Variants in VWA8 observed in about 807,000 individuals in gnomAD.
The protein encoded by VWA8 is von Willebrand factor A domain-containing protein 8.
In VWA8, 221 loss-of-function variants were observed where a neutral mutation model predicts 241.5. The ratio of observed to expected loss-of-function variants is 0.91; its 90% CI spans 0.82 to 1.02. The LOEUF is 1.02. Among genes scored for constraint, VWA8 ranks in the 50% least tolerant of loss-of-function variants. The pLI is 0.00. For synonymous variants in VWA8, 852 were observed against 827.1 expected (o/e 1.03, Z -0.52); for missense variants, 2,322 against 2,328.7 (o/e 1.00, Z 0.06).
At chr13:41,662,609 G>A (rs1486947942) in intron 37 of VWA8, among the ~76,000 whole-genome samples, 1 of 150,516 alleles carries the variant, frequency 6.6e-6, no homozygotes, top group African/African-American at 2.4e-5. Context: ...AATAGGGACA[G>A]TTTTATTTCT....
At chr13:41,715,450 T>A (rs1042773538) in intron 26 of VWA8, among the ~76,000 whole-genome samples, 4 of 152,016 alleles carry the variant, frequency 2.6e-5, no homozygotes, top group African/African-American at 9.7e-5. Context: ...AGCATTTTTT[T>A]CTTTCTTTAA....
At chr13:41,717,295 T>C (rs2045353939) in intron 26 of VWA8, among the ~76,000 whole-genome samples, 1 of 151,714 alleles carries the variant, frequency 6.6e-6, no homozygotes, top group Non-Finnish European at 1.5e-5. Context: ...TTTTAAATAT[T>C]TGAATATTTA....
intron 12 of VWA8, among the ~76,000 whole-genome samples, chr13:41,862,248 A>C (rs993939340): frequency 6.6e-6 from 1 of 152,238 alleles, no homozygotes; most frequent in South Asian, 2.1e-4. Flanking sequence ...AGCCATAGGC[A>C]CAGGATTGAA....
chr13:41,833,498 A>G lies in VWA8; in HGVS notation c.1459T>C (p.Tyr487His). 2 of 1,613,622 alleles carry G rather than the reference A, an allele frequency of 1.2e-6. No homozygotes were observed. Among genetic ancestry groups the G allele is most frequent in the Non-Finnish European group, 1.7e-6 (2 of 1,179,810 alleles). The change falls in exon 13 of 45, where the codon TAC (tyrosine) becomes CAC (histidine). Residue 487 changes from tyrosine to histidine, a missense_variant. By Grantham distance (83) the Tyr-to-His change is moderately conservative. Transcript: ENST00000379310. ...GCAGTGTCTCCATTTGGAAGGGTGT[A>G]TCTCTGCTGTAGCAGATCACGCGCT... ...MTARDLLQQR[Y>H]TLPNGDTAWR...
rs942364049 is a variant in VWA8, at chr13:41,884,880, A to G, written c.975+1040T>C. On this transcript the variant is annotated intron_variant, in intron 8 of 44. Transcript: ENST00000379310. ...TACCTAGGCTCCCTGACTCACATGAAACATACATATATACATACATACATA... is the reference window on the plus strand; with the variant it reads ...TACCTAGGCTCCCTGACTCACATGAGACATACATATATACATACATACATA... Among the ~76,000 whole-genome samples, 6 of 143,694 alleles carry G rather than the reference A, an allele frequency of 4.2e-5. No homozygotes were observed. The Admixed American group carries it at 4.4e-4, about 10-fold the overall frequency. The allele number at this position is 143,694 out of a possible 152,430, so 94.3% of individuals were successfully genotyped here. A position where few individuals can be genotyped will look rare whatever the true frequency, so the allele number is the denominator to read the frequency against.
At chr13:41,677,184 T>A (rs1374080469) in intron 35 of VWA8, among the ~76,000 whole-genome samples, 3 of 152,068 alleles carry the variant, frequency 2.0e-5, no homozygotes, top group Non-Finnish European at 4.4e-5. Context: ...TAGTAAAGAA[T>A]ATGAAAAGTT....
At chr13:41,645,209 T>C (rs1223942177) in intron 37 of VWA8, among the ~76,000 whole-genome samples, 1 of 152,198 alleles carries the variant, frequency 6.6e-6, no homozygotes, top group Non-Finnish European at 1.5e-5. Context: ...CTAAATGCAA[T>C]ATGCATTATC....
chr13:41,873,073 T>C (rs1452269570), intron 9 of VWA8, among the ~76,000 whole-genome samples: 49 of 152,200 alleles, frequency 3.2e-4, no homozygotes, highest in Admixed American at 3.2e-3. Context: ...GAAGCAATTG[T>C]GAATGACTAC....
intron 44 of VWA8, 130 bp downstream of exon 44, chr13:41,570,338 G>A: frequency 1.3e-6 from 1 of 755,968 alleles, no homozygotes; most frequent in Non-Finnish European, 2.2e-6. Context: ...CTTGAGGCTA[G>A]TAACTTTAGT....
At chr13:41,714,947 C>T (rs183819264) in intron 26 of VWA8, among the ~76,000 whole-genome samples, 15 of 151,994 alleles carry the variant, frequency 9.9e-5, no homozygotes, top group Middle Eastern at 3.4e-3. Context: ...ATCTAAATAA[C>T]TACTCTGATC....
At chr13:41,856,732 G>A (rs924381625) in intron 12 of VWA8, among the ~76,000 whole-genome samples, 1 of 152,000 alleles carries the variant, frequency 6.6e-6, no homozygotes, top group Non-Finnish European at 1.5e-5. Context: ...GCTGAGGTGG[G>A]AGGATGGTTT....
At position 41,572,116 on chromosome 13, in the gene VWA8, TGCCCGTCTGCGAAGTGAGGAGCCCCTCCG is replaced by T. The variant is rs1441450749; in HGVS notation, c.5371-1439_5371-1411del. 3.2e-3 allele frequency among the ~76,000 whole-genome samples: 484 copies of T among 150,698 alleles called. 2 individuals carry two copies. The highest frequency in any genetic ancestry group is 0.011 in the African/African-American group (449 of 41,038). The stretch of plus-strand genomic sequence containing the variant: ...GTGAGGAGCCCCTCCGCCCGGCAGC[TGCCCGTCTGCGAAGTGAGGAGCCCCTCCG>T]CCTGGCAGCCGCCCCGTCCGGGAGG... On this transcript the variant is annotated intron_variant, in intron 43 of 44. Coordinates refer to ENST00000379310, the MANE Select transcript of VWA8 (RefSeq NM_015058.2).
chr13:41,602,466 G>A (rs192259984), intron 40 of VWA8, among the ~76,000 whole-genome samples: 205 of 152,148 alleles, frequency 1.3e-3, no homozygotes, highest in African/African-American at 4.2e-3. Context: ...GGCAAAAATG[G>A]AACCAATATT....
At chr13:41,721,714 A>T (rs2137849883) in intron 24 of VWA8, 139 bp from the exon 25 acceptor site, 1 of 810,570 alleles carries the variant, frequency 1.2e-6, no homozygotes, top group Middle Eastern at 2.8e-4. Flanking sequence ...GATGGTACAG[A>T]GAAGAAAGCA....
At chr13:41,725,586 G>T (rs1258314829) in intron 24 of VWA8, among the ~76,000 whole-genome samples, 1 of 152,134 alleles carries the variant, frequency 6.6e-6, no homozygotes, top group African/African-American at 2.4e-5. Flanking sequence ...AGCGAGTAAA[G>T]GGCTAAAGAT....
intron 24 of VWA8, 49 bp from the exon 25 acceptor site, chr13:41,721,624 A>G: frequency 6.5e-7 from 1 of 1,546,828 alleles, no homozygotes; most frequent in Non-Finnish European, 8.7e-7. Context: ...ATCCATTACG[A>G]TGTCACAGGA....
chr13:41,797,196 A>ATT (rs11400380), intron 17 of VWA8, among the ~76,000 whole-genome samples: 3,408 of 140,382 alleles, frequency 0.024, 88 homozygotes, highest in African/African-American at 0.056. Flanking sequence ...ACACCCAAGT[A>ATT]TTTTTTTTTT....
intron 26 of VWA8, among the ~76,000 whole-genome samples, chr13:41,717,746 C>T (rs1403160524): frequency 2.6e-5 from 4 of 152,034 alleles, no homozygotes; most frequent in African/African-American, 9.7e-5. Context: ...GAAAAAATTG[C>T]TCTGAATGAC....
chr13:41,913,819 CTT>C (rs924586860), intron 2 of VWA8, among the ~76,000 whole-genome samples: 2 of 152,236 alleles, frequency 1.3e-5, no homozygotes, highest in African/African-American at 2.4e-5. Flanking sequence ...TGGTTTCTCT[CTT>C]GTTTTTACAA....
Sources: allele counts gnomAD v4.1 joint callset (sites outside exome capture counted in the v4.1 genomes callset), GRCh38; gene constraint gnomAD v4.1.1; transcripts MANE v1.5; gene names NCBI Gene and HGNC (gene_info 2026-07-23, HGNC 2026-07-21).